The following GRIK1 variants were observed in gnomAD, a reference collection of about 807,000 sequenced individuals.
GRIK1 encodes the protein glutamate ionotropic receptor kainate type subunit 1.
Under a neutral mutation model 105.7 loss-of-function variants are expected in GRIK1, and 69 were observed. That is an observed-to-expected ratio of 0.65 (90% CI 0.54 to 0.80). The LOEUF is 0.80. Ranked by LOEUF, GRIK1 falls within the 30% of genes least tolerant of loss-of-function variation. The pLI is 0.00. For missense variants in GRIK1, 1,109 were observed against 1,167.3 expected (o/e 0.95, Z 0.73); for synonymous variants, 438 against 431.3 (o/e 1.02, Z -0.19).
At chr21:29,812,077 T>C (rs1387687585) in intron 1 of GRIK1, among the ~76,000 whole-genome samples, 1 of 152,190 alleles carries the variant, frequency 6.6e-6, no homozygotes, top group East Asian at 1.9e-4. Flanking sequence ...TCATGTGAAA[T>C]TGACACCTAT....
At chr21:29,885,578 A>G (rs1450474068) in intron 1 of GRIK1, among the ~76,000 whole-genome samples, 2 of 152,128 alleles carry the variant, frequency 1.3e-5, no homozygotes, top group Non-Finnish European at 2.9e-5. Flanking sequence ...CAAAGGAAAC[A>G]TTAATGAAAA....
intron 4 of GRIK1, among the ~76,000 whole-genome samples, chr21:29,665,892 G>A (rs748094593): frequency 3.9e-5 from 6 of 152,162 alleles, no homozygotes; most frequent in Non-Finnish European, 5.9e-5. Context: ...ATTTTGAGAG[G>A]ATAAAAAGAA....
At chr21:29,930,732 T>C (rs922939668) in intron 1 of GRIK1, among the ~76,000 whole-genome samples, 6 of 152,220 alleles carry the variant, frequency 3.9e-5, no homozygotes, top group African/African-American at 1.4e-4. Context: ...TACAAACTCC[T>C]TGCAGAATTC....
At chr21:29,539,133 G>A (rs1274408661) in intron 16 of GRIK1, among the ~76,000 whole-genome samples, 1 of 151,976 alleles carries the variant, frequency 6.6e-6, no homozygotes, top group Non-Finnish European at 1.5e-5. Context: ...GAATTGGGAG[G>A]GGTGTCATGC....
intron 16 of GRIK1, among the ~76,000 whole-genome samples, chr21:29,554,530 T>G (rs1235559864): frequency 6.6e-6 from 1 of 152,088 alleles, no homozygotes; most frequent in Non-Finnish European, 1.5e-5. Context: ...TTTATGACAT[T>G]CCTGGCAAAA....
At chr21:29,612,827 T>G (rs2061759457) in intron 7 of GRIK1, among the ~76,000 whole-genome samples, 1 of 152,250 alleles carries the variant, frequency 6.6e-6, no homozygotes, top group Admixed American at 6.5e-5. Context: ...TTTCACATAT[T>G]GTTTACAAAC....
intron 1 of GRIK1, among the ~76,000 whole-genome samples, chr21:29,710,970 T>C (rs1209381768): frequency 6.6e-6 from 1 of 151,950 alleles, no homozygotes; most frequent in African/African-American, 2.4e-5. Flanking sequence ...CGCCTTCCTA[T>C]TTTGATTTTT....
At position 29,642,930 on chromosome 21, in the gene GRIK1, C is replaced by T; in HGVS notation, c.994G>A (p.Ala332Thr). Reference sequence around the variant, plus strand: ...TGGGATGCCCGGTGCGAGGCAATGGCCACCATGTACACAGCATCGTACATC... The same window carrying T: ...TGGGATGCCCGGTGCGAGGCAATGGTCACCATGTACACAGCATCGTACATC... ...ALMYDAVYMV[A>T]IASHRASQLT... is the part of the protein sequence containing the mutation. Residue 332 changes from alanine to threonine, a missense_variant, in exon 7 of 18, where the codon GCC (alanine) becomes ACC (threonine). Around this residue, in one of 5 missense-constraint regions of GRIK1, gnomAD observed 612 missense variants for 586.0 expected, o/e 1.04. Coordinates refer to ENST00000327783, the MANE Select transcript of GRIK1 (RefSeq NM_001330994.2). 1 of 1,613,884 alleles carries T rather than the reference C, an allele frequency of 6.2e-7. No individual in the cohort carries two copies. The highest frequency in any genetic ancestry group is 8.5e-7 in the Non-Finnish European group (1 of 1,179,772).
chr21:29,591,106 A>G lies in GRIK1; in HGVS notation c.1365+6T>C, dbSNP rs771920759. 6.1e-6 allele frequency: 9 copies of G among 1,482,940 alleles called. No homozygotes were observed. Among genetic ancestry groups the G allele is most frequent in the Admixed American group, 1.7e-5 (1 of 59,868 alleles). The allele number at this position is 1,482,940 out of a possible 1,614,324, so 91.9% of individuals were successfully genotyped here. A position where few individuals can be genotyped will look rare whatever the true frequency, so the allele number is the denominator to read the frequency against. On this transcript the variant is annotated splice_donor_region_variant and intron_variant, in intron 10 of 17. Coordinates refer to ENST00000327783, the MANE Select transcript of GRIK1 (RefSeq NM_001330994.2). ...AGACACCCTCAATTCCATGAAGTCAACTTACCAGAATGGTGGTGACAATGA... is the reference window on the plus strand; with the variant it reads ...AGACACCCTCAATTCCATGAAGTCAGCTTACCAGAATGGTGGTGACAATGA...
At chr21:29,900,515 C>T (rs1555908059) in intron 1 of GRIK1, among the ~76,000 whole-genome samples, 6 of 142,060 alleles carry the variant, frequency 4.2e-5, no homozygotes, top group Non-Finnish European at 9.1e-5. Flanking sequence ...ATAAAACAGA[C>T]TCTAAACCAA....
intron 9 of GRIK1, chr21:29,595,999 T>C: frequency 4.2e-6 from 1 of 236,146 alleles, no homozygotes; most frequent in Non-Finnish European, 8.3e-6. Flanking sequence ...GACAGTATAC[T>C]CTGATGAAGA....
At chr21:29,618,323 C>G (rs1317886809) in intron 7 of GRIK1, among the ~76,000 whole-genome samples, 1 of 152,190 alleles carries the variant, frequency 6.6e-6, no homozygotes, top group Non-Finnish European at 1.5e-5. Flanking sequence ...CACCTTACTC[C>G]CGCAAGAATG....
rs373455974 is a variant in GRIK1, at chr21:29,694,040, T to G, written c.142A>C (p.Asn48His). The change falls in exon 2 of 18, where the codon AAT (asparagine) becomes CAT (histidine). Residue 48 changes from asparagine to histidine, a missense_variant. Around this residue, in one of 5 missense-constraint regions of GRIK1, gnomAD observed 612 missense variants for 586.0 expected, o/e 1.04. Coordinates refer to ENST00000327783, the MANE Select transcript of GRIK1 (RefSeq NM_001330994.2). Reference sequence around the variant, plus strand: ...AATTCTTCAACATTAACAGGCTCATTTTCCACTGTTTCAAAAATCCCTCCT... The same window carrying G: ...AATTCTTCAACATTAACAGGCTCATGTTCCACTGTTTCAAAAATCCCTCCT... ...RIGGIFETVE[N>H]EPVNVEELAF... 4 of 1,613,294 alleles carry G rather than the reference T, an allele frequency of 2.5e-6. No homozygotes were observed. In the African/African-American group the frequency reaches 5.3e-5, roughly 22 times the overall value.
chr21:29,549,640 A>T (rs949349211), intron 16 of GRIK1, among the ~76,000 whole-genome samples: 2 of 152,118 alleles, frequency 1.3e-5, no homozygotes, highest in African/African-American at 4.8e-5. Flanking sequence ...CCAAAGTAGG[A>T]GAACTAATAA....
At chr21:29,737,848 A>G (rs1457488105) in intron 1 of GRIK1, among the ~76,000 whole-genome samples, 2 of 152,272 alleles carry the variant, frequency 1.3e-5, no homozygotes, top group Non-Finnish European at 2.9e-5. Context: ...CATCTGAGAC[A>G]CAAGTCTGGG....
At chr21:29,929,945 A>C (rs1402590477) in intron 1 of GRIK1, among the ~76,000 whole-genome samples, 1 of 152,248 alleles carries the variant, frequency 6.6e-6, no homozygotes, top group Non-Finnish European at 1.5e-5. Flanking sequence ...ATGGATAAAG[A>C]AAATGTGGTA....
chr21:29,622,041 G>T lies in GRIK1; in HGVS notation c.1098+20785C>A, dbSNP rs540995860. ...AGCTCACTACAACCACTGCCTCCCAGGTTCAAGTGATTCTCCTGTCTCAGC... is the reference window on the plus strand; with the variant it reads ...AGCTCACTACAACCACTGCCTCCCATGTTCAAGTGATTCTCCTGTCTCAGC... On this transcript the variant is annotated intron_variant, in intron 7 of 17. Transcript: ENST00000327783. Among the ~76,000 whole-genome samples the T allele has an allele frequency of 2.9e-3, 437 of 152,008 alleles. 2 individuals are homozygous for T. The highest frequency in any genetic ancestry group is 5.6e-3 in the South Asian group (27 of 4,810).
At chr21:29,821,261 A>T (rs1220808187) in intron 1 of GRIK1, among the ~76,000 whole-genome samples, 2 of 152,058 alleles carry the variant, frequency 1.3e-5, no homozygotes, top group Non-Finnish European at 2.9e-5. Flanking sequence ...CATTTACAAT[A>T]TTGGACTATA....
intron 2 of GRIK1, among the ~76,000 whole-genome samples, chr21:29,691,440 T>C (rs1011021461): frequency 6.6e-6 from 1 of 152,182 alleles, no homozygotes; most frequent in Non-Finnish European, 1.5e-5. Flanking sequence ...TTTCTAAGAG[T>C]AGATTTCCAG....
Sources: gnomAD v4.1 joint callset for allele counts (sites outside exome capture counted in the v4.1 genomes callset) on GRCh38, gnomAD v4.1.1 for gene constraint, gnomAD v4.1.1 regional missense constraint, MANE v1.5 for transcripts, NCBI Gene and HGNC (gene_info 2026-07-23, HGNC 2026-07-21) for gene names.